IL1RAPL1: variants seen among roughly 807,000 people sequenced by gnomAD.
The protein encoded by IL1RAPL1 is interleukin 1 receptor accessory protein like 1, also known as interleukin-1 receptor accessory protein-like 1.
IL1RAPL1 carries 3 observed loss-of-function variants against 48.4 expected under a neutral mutation model. The ratio of observed to expected loss-of-function variants is 0.06; its 90% CI spans 0.03 to 0.16. The LOEUF is 0.16. Ranked by LOEUF, IL1RAPL1 falls within the 10% of genes least tolerant of loss-of-function variation. The pLI is 1.00. For synonymous variants in IL1RAPL1, 185 were observed against 187.7 expected (o/e 0.99, Z 0.12); for missense variants, 349 against 530.6 (o/e 0.66, Z 3.36).
chrX:29,083,864 G>T lies in IL1RAPL1; in HGVS notation c.83-199074G>T, dbSNP rs186574300. ...TTTTAAGAAGTAATTGACAAAAATT[G>T]TGTGAAGGCAAAGAGAGCTACCAGT... On this transcript the variant is annotated intron_variant, in intron 2 of 10. Transcript: ENST00000378993. Among the ~76,000 whole-genome samples the T allele has an allele frequency of 9.8e-5, 11 of 111,703 alleles. No homozygotes were observed. The East Asian group carries it at 1.7e-3, about 17-fold the overall frequency.
chrX:29,114,988 A>G (rs943267156), intron 2 of IL1RAPL1, among the ~76,000 whole-genome samples: 2 of 111,839 alleles, frequency 1.8e-5, no homozygotes, highest in Non-Finnish European at 3.8e-5. Context: ...TACTATAAAT[A>G]TTACGAATTT....
intron 6 of IL1RAPL1, among the ~76,000 whole-genome samples, chrX:29,902,656 A>G (rs1411979781): frequency 1.8e-5 from 2 of 110,407 alleles, no homozygotes; most frequent in African/African-American, 6.6e-5. Flanking sequence ...TACTACTACT[A>G]ATAATAATAA....
Position 29,297,290 on chromosome X carries a change from G to A in IL1RAPL1, c.362+14073G>A, listed in dbSNP as rs953222234. On this transcript the variant is annotated intron_variant, in intron 3 of 10. Coordinates refer to ENST00000378993, the MANE Select transcript of IL1RAPL1 (RefSeq NM_014271.4). ...TAAGTAAGATAGTTTAGTTTCTCAC[G>A]TAAAGTAGTTATAAGGTAGGCATTC... Among the ~76,000 whole-genome samples, 24 of 112,403 alleles carry A rather than the reference G, an allele frequency of 2.1e-4. No homozygotes were observed. In the East Asian group the frequency reaches 3.1e-3, roughly 14 times the overall value.
chrX:29,778,320 C>T (rs1242512815), intron 6 of IL1RAPL1, among the ~76,000 whole-genome samples: 1 of 110,850 alleles, frequency 9.0e-6, no homozygotes, highest in Non-Finnish European at 1.9e-5. Context: ...TAGGGGAGTG[C>T]CGGGGGAAAA....
intron 5 of IL1RAPL1, among the ~76,000 whole-genome samples, chrX:29,623,174 C>G (rs1457912329): frequency 9.4e-6 from 1 of 106,523 alleles, no homozygotes; most frequent in African/African-American, 3.4e-5. Context: ...CCCAGCTACT[C>G]GGGAGGCTGA....
rs998868400 is a variant in IL1RAPL1, at chrX:28,911,072, T to A, written c.82+121647T>A. 3.6e-5 allele frequency among the ~76,000 whole-genome samples: 4 copies of A among 111,514 alleles called. No individual in the cohort carries two copies. The Admixed American group carries it at 3.8e-4, about 11-fold the overall frequency. On this transcript the variant is annotated intron_variant, in intron 2 of 10. Transcript: ENST00000378993. The stretch of plus-strand genomic sequence containing the variant: ...TATATTCTGAATTGAATGAATGTTA[T>A]ATTAAAATTAGATGACGAATATTTG...
At chrX:28,737,205 CTCTTTCTT>C (rs762616408) in intron 1 of IL1RAPL1, among the ~76,000 whole-genome samples, 4,701 of 50,235 alleles carry the variant, frequency 0.094, 206 homozygotes, top group Middle Eastern at 0.17. Context: ...TTCTTTCTTT[CTCTTTCTT>C]TCTTTCTTTC....
chrX:28,737,706 A>G (rs1464293210), intron 1 of IL1RAPL1, among the ~76,000 whole-genome samples: 3 of 112,664 alleles, frequency 2.7e-5, no homozygotes, highest in Non-Finnish European at 3.7e-5. Flanking sequence ...GAGATTTTAC[A>G]TGGTTTATGT....
intron 5 of IL1RAPL1, among the ~76,000 whole-genome samples, chrX:29,580,657 G>A (rs1922933088): frequency 9.0e-6 from 1 of 111,252 alleles, no homozygotes; most frequent in African/African-American, 3.3e-5. Flanking sequence ...GTTGAGTCTC[G>A]GTCTGTGTCA....
intron 2 of IL1RAPL1, among the ~76,000 whole-genome samples, chrX:28,799,224 A>T (rs1367368222): frequency 8.9e-6 from 1 of 112,259 alleles, no homozygotes; most frequent in African/African-American, 3.2e-5. Context: ...AAGCACAGAA[A>T]CTTGAAATGA....
chrX:29,593,383 T>G (rs1923444243), intron 5 of IL1RAPL1, among the ~76,000 whole-genome samples: 1 of 112,101 alleles, frequency 8.9e-6, no homozygotes, highest in South Asian at 3.7e-4. Flanking sequence ...AAGCCTTGAC[T>G]TTCTACATTG....
intron 5 of IL1RAPL1, among the ~76,000 whole-genome samples, chrX:29,568,575 A>T (rs1326075769): frequency 1.8e-5 from 2 of 110,916 alleles, no homozygotes; most frequent in Non-Finnish European, 3.8e-5. Flanking sequence ...TTCTGAGAAA[A>T]TTTTCTGTAC....
At chrX:29,777,216 C>T (rs1418215494) in intron 6 of IL1RAPL1, among the ~76,000 whole-genome samples, 2 of 112,227 alleles carry the variant, frequency 1.8e-5, no homozygotes, top group Non-Finnish European at 3.8e-5. Context: ...TCCTTTTGGA[C>T]TTTTCAGCCA....
rs187314267 is a variant in IL1RAPL1 at position 29,627,016 on chromosome X, A to T, written c.704-41414A>T. On this transcript the variant is annotated intron_variant, in intron 5 of 10. Transcript: ENST00000378993. ...GAGATACTCCCCAGAGAAAAAGACC[A>T]CAAAAAGTTCATATGTATGTATTAA... Among the ~76,000 whole-genome samples the T allele has an allele frequency of 2.7e-5, 3 of 112,641 alleles. No homozygotes were observed. In the East Asian group the frequency reaches 8.3e-4, roughly 31 times the overall value.
intron 2 of IL1RAPL1, among the ~76,000 whole-genome samples, chrX:28,978,358 G>A (rs1350768774): frequency 1.8e-5 from 2 of 111,648 alleles, no homozygotes; most frequent in Non-Finnish European, 3.8e-5. Flanking sequence ...TCAGATAAAT[G>A]AGAAACAAGG....
At chrX:29,257,279 T>C (rs1043315049) in intron 2 of IL1RAPL1, among the ~76,000 whole-genome samples, 34 of 111,483 alleles carry the variant, frequency 3.0e-4, no homozygotes, top group African/African-American at 9.8e-4. Context: ...TTTTGCCAAG[T>C]TTGCCCTAAT....
intron 1 of IL1RAPL1, among the ~76,000 whole-genome samples, chrX:28,739,053 G>A (rs909658435): frequency 5.4e-5 from 6 of 111,073 alleles, no homozygotes; most frequent in African/African-American, 2.0e-4. Flanking sequence ...TGGTGTTCAA[G>A]GCCCTTCATA....
intron 2 of IL1RAPL1, among the ~76,000 whole-genome samples, chrX:29,253,625 G>A (rs1445179355): frequency 9.0e-6 from 1 of 111,140 alleles, no homozygotes; most frequent in African/African-American, 3.3e-5. Context: ...ACGAAACTGA[G>A]AGCACCTAGA....
At chrX:28,985,011 A>G (rs1022020282) in intron 2 of IL1RAPL1, among the ~76,000 whole-genome samples, 8 of 111,752 alleles carry the variant, frequency 7.2e-5, no homozygotes, top group African/African-American at 1.6e-4. Context: ...TGAATAATAA[A>G]TATAAACTGG....
Sources: allele counts gnomAD v4.1 joint callset (sites outside exome capture counted in the v4.1 genomes callset), GRCh38; gene constraint gnomAD v4.1.1; transcripts MANE v1.5; gene names NCBI Gene and HGNC (gene_info 2026-07-23, HGNC 2026-07-21).